BBS9: variants seen among roughly 807,000 people sequenced by gnomAD.
BBS9 encodes protein PTHB1.
A neutral mutation model predicts 117.7 loss-of-function variants in BBS9; 89 were observed. The observed-to-expected ratio is 0.76, with a 90% CI of 0.64 to 0.90. The LOEUF (loss-of-function observed/expected upper bound fraction) is 0.90. Ranked by LOEUF, BBS9 falls within the 40% of genes least tolerant of loss-of-function variation. The pLI, the probability that BBS9 is intolerant of heterozygous loss-of-function variation, is 0.00. For missense variants in BBS9, 982 were observed against 1,042.2 expected (o/e 0.94, Z 0.80); for synonymous variants, 379 against 370.9 (o/e 1.02, Z -0.25).
intron 19 of BBS9, among the ~76,000 whole-genome samples, chr7:33,465,564 T>A (rs1840045565): frequency 6.6e-6 from 1 of 152,192 alleles, no homozygotes; most frequent in Non-Finnish European, 1.5e-5. Context: ...CAAAAGTGTC[T>A]GGTTTTGAAT....
chr7:33,219,261 C>T (rs1016947016), intron 5 of BBS9, among the ~76,000 whole-genome samples: 1 of 152,228 alleles, frequency 6.6e-6, no homozygotes, highest in East Asian at 1.9e-4. Context: ...CCTCCCACCC[C>T]CTCCGTGGGC....
At chr7:33,237,608 G>A (rs1793748856) in intron 5 of BBS9, among the ~76,000 whole-genome samples, 1 of 152,112 alleles carries the variant, frequency 6.6e-6, no homozygotes, top group African/African-American at 2.4e-5. Context: ...AGTTTGCAGA[G>A]AGCTTGATCA....
chr7:33,559,852 C>CT (rs1260202237), intron 21 of BBS9, among the ~76,000 whole-genome samples: 3 of 152,156 alleles, frequency 2.0e-5, no homozygotes, highest in African/African-American at 4.8e-5. Context: ...TCTCACCTAT[C>CT]TGCAGCTTCC....
At chr7:33,459,206 C>T (rs1001904744) in intron 19 of BBS9, among the ~76,000 whole-genome samples, 1 of 151,992 alleles carries the variant, frequency 6.6e-6, no homozygotes, top group Non-Finnish European at 1.5e-5. Context: ...CAGAATCTTG[C>T]GGTATTGTTC....
chr7:33,544,557 C>G (rs897752964), intron 21 of BBS9, among the ~76,000 whole-genome samples: 3 of 152,172 alleles, frequency 2.0e-5, no homozygotes, highest in Middle Eastern at 3.2e-3. Flanking sequence ...GTCTGTGGGT[C>G]TCTCAGCAGT....
chr7:33,362,537 C>A (rs1488101465), intron 16 of BBS9, among the ~76,000 whole-genome samples: 1 of 152,158 alleles, frequency 6.6e-6, no homozygotes, highest in Admixed American at 6.5e-5. Context: ...CACTGAATTG[C>A]CTTTTCAACT....
intron 9 of BBS9, among the ~76,000 whole-genome samples, chr7:33,330,016 T>C (rs1301337021): frequency 2.6e-5 from 4 of 152,036 alleles, no homozygotes; most frequent in African/African-American, 7.2e-5. Context: ...ACATATAAAA[T>C]TGTGTTTTTT....
chr7:33,252,837 A>C (rs1796428219), intron 5 of BBS9, among the ~76,000 whole-genome samples: 1 of 152,144 alleles, frequency 6.6e-6, no homozygotes, highest in Non-Finnish European at 1.5e-5. Flanking sequence ...GTATTTACAT[A>C]CAAAATGTAT....
chr7:33,608,533 T>C (rs1395156492), downstream of BBS9, among the ~76,000 whole-genome samples: 1 of 152,092 alleles, frequency 6.6e-6, no homozygotes, highest in East Asian at 1.9e-4. Context: ...CCCCACAGCC[T>C]TGCCAGCTAT....
At chr7:33,359,217 T>C (rs1457245887) in intron 16 of BBS9, among the ~76,000 whole-genome samples, 2 of 152,000 alleles carry the variant, frequency 1.3e-5, no homozygotes, top group African/African-American at 2.4e-5. Flanking sequence ...CTTAGGAACA[T>C]AGTTGGAAAT....
chr7:33,233,337 A>G (rs1792851215), intron 5 of BBS9, among the ~76,000 whole-genome samples: 1 of 152,140 alleles, frequency 6.6e-6, no homozygotes, highest in African/African-American at 2.4e-5. Context: ...AAATGTCACA[A>G]GGTCACAAAA....
intron 21 of BBS9, among the ~76,000 whole-genome samples, chr7:33,592,965 G>C (rs1039217226): frequency 2.0e-5 from 3 of 152,066 alleles, no homozygotes; most frequent in Non-Finnish European, 2.9e-5. Flanking sequence ...TTTCTCAACT[G>C]TAGCTGTAAT....
intron 5 of BBS9, among the ~76,000 whole-genome samples, chr7:33,214,928 TCACG>T (rs1480644577): frequency 6.6e-6 from 1 of 152,240 alleles, no homozygotes; most frequent in Non-Finnish European, 1.5e-5. Flanking sequence ...GCGCAGTGGC[TCACG>T]CCTGTAATCC....
intron 19 of BBS9, among the ~76,000 whole-genome samples, chr7:33,452,041 C>A (rs1038692585): frequency 5.9e-5 from 9 of 152,084 alleles, no homozygotes; most frequent in African/African-American, 2.2e-4. Flanking sequence ...GCCATGCTGG[C>A]CAGGCTGGTC....
At chr7:33,260,121 TC>T (rs923840669) in intron 6 of BBS9, among the ~76,000 whole-genome samples, 1 of 151,922 alleles carries the variant, frequency 6.6e-6, no homozygotes, top group African/African-American at 2.4e-5. Context: ...TGCCTCAGCC[TC>T]CCAAGTAGCT....
intron 21 of BBS9, among the ~76,000 whole-genome samples, chr7:33,623,222 A>G (rs1021398610): frequency 1.3e-5 from 2 of 152,226 alleles, no homozygotes; most frequent in Non-Finnish European, 2.9e-5. Context: ...ACATCTTAAT[A>G]TGAGCAAAAA....
chr7:33,520,239 C>A (rs1848412748), intron 20 of BBS9, among the ~76,000 whole-genome samples: 1 of 152,246 alleles, frequency 6.6e-6, no homozygotes, highest in South Asian at 2.1e-4. Context: ...GTCTCGAACT[C>A]CTGACCTTGT....
At chr7:33,484,332 A>G (rs945076908) in intron 19 of BBS9, among the ~76,000 whole-genome samples, 7 of 152,222 alleles carry the variant, frequency 4.6e-5, no homozygotes, top group African/African-American at 1.4e-4. Flanking sequence ...ATATGTATAT[A>G]TTTCTGTGTT....
At chr7:33,556,451 A>G (rs1416075569) in intron 21 of BBS9, among the ~76,000 whole-genome samples, 2 of 152,198 alleles carry the variant, frequency 1.3e-5, no homozygotes, top group Non-Finnish European at 2.9e-5. Flanking sequence ...ATAGAATTTG[A>G]TAGCCTTCTT....
Sources: gnomAD v4.1 joint callset for allele counts (sites outside exome capture counted in the v4.1 genomes callset) on GRCh38, gnomAD v4.1.1 for gene constraint, MANE v1.5 for transcripts, NCBI Gene and HGNC (gene_info 2026-07-23, HGNC 2026-07-21) for gene names.